POU6F2: variants seen among roughly 807,000 people sequenced by gnomAD.
POU6F2 encodes POU domain, class 6, transcription factor 2.
Under a neutral mutation model 71.3 loss-of-function variants are expected in POU6F2, and 31 were observed. The observed-to-expected ratio is 0.43, with a 90% confidence interval of 0.33 to 0.59. The LOEUF is 0.59. Among genes scored for constraint, POU6F2 ranks in the 20% least tolerant of loss-of-function variants. The pLI is 0.04. For missense variants in POU6F2, 783 were observed against 856.8 expected (o/e 0.91, Z 1.07); for synonymous variants, 347 against 355.7 (o/e 0.98, Z 0.27).
chr7:39,291,478 C>A (rs1784755022), intron 4 of POU6F2, among the ~76,000 whole-genome samples: 1 of 152,228 alleles, frequency 6.6e-6, no homozygotes, highest in Non-Finnish European at 1.5e-5. Flanking sequence ...TTGCCACCAT[C>A]CAATTACACT....
At chr7:39,049,685 CT>C (rs749286407) in intron 1 of POU6F2, among the ~76,000 whole-genome samples, 6 of 152,082 alleles carry the variant, frequency 3.9e-5, no homozygotes, top group South Asian at 2.1e-4. Context: ...CAGTGTGCCC[CT>C]GAAGTAGAAT....
At chr7:39,447,702 C>T (rs1788557404) in intron 7 of POU6F2, among the ~76,000 whole-genome samples, 1 of 152,172 alleles carries the variant, frequency 6.6e-6, no homozygotes, top group Non-Finnish European at 1.5e-5. Flanking sequence ...CTAAGTTTCC[C>T]TTTCCCTCCA....
intron 1 of POU6F2, among the ~76,000 whole-genome samples, chr7:38,995,330 G>T (rs1487191496): frequency 6.6e-6 from 1 of 152,102 alleles, no homozygotes; most frequent in Non-Finnish European, 1.5e-5. Context: ...CCTTCTCACT[G>T]GCCCACTCTC....
At position 39,086,040 on chromosome 7, in the gene POU6F2, G is replaced by T. The variant is rs781236586; in HGVS notation, c.277+9G>T. On this transcript the variant is annotated intron_variant, in intron 2 of 9. Transcript: ENST00000518318. ...TCCCAGCAAGCTCTTCGGTAAGTCT[G>T]TCTAGGTATTTCATTTCAGTACTAC... The T allele has an allele frequency of 1.2e-6, 2 of 1,612,736 alleles. No individual in the cohort carries two copies. The highest frequency in any genetic ancestry group is 2.7e-5 in the African/African-American group (2 of 75,000).
Position 39,372,025 on chromosome 7 carries a change from C to CATG in POU6F2, c.972+32010_972+32011insATG. On this transcript the variant is annotated intron_variant, in intron 5 of 9. Coordinates refer to ENST00000518318, the MANE Select transcript of POU6F2 (RefSeq NM_001370959.1). The stretch of plus-strand genomic sequence containing the variant: ...CCAAATTCTGGGCTCAAGCAATCCT[C>CATG]CTGCTTCAGCCTCCCTCCCAAGTAG... Among the ~76,000 whole-genome samples, 4 of 152,304 alleles carry CATG rather than the reference C, an allele frequency of 2.6e-5. No homozygotes were observed. In the South Asian group the frequency reaches 8.3e-4, roughly 32 times the overall value.
At chr7:39,091,136 A>T (rs1791356916) in intron 2 of POU6F2, among the ~76,000 whole-genome samples, 1 of 152,212 alleles carries the variant, frequency 6.6e-6, no homozygotes, top group Non-Finnish European at 1.5e-5. Flanking sequence ...TTTAAATAAC[A>T]TTCATTTGTA....
At position 39,464,613 on chromosome 7, in the gene POU6F2, G is replaced by C. The variant is rs1049036170; in HGVS notation, c.2090G>C (p.Arg697Pro). 1 of 1,609,836 alleles carries C rather than the reference G, an allele frequency of 6.2e-7. No individual in the cohort carries two copies. Among genetic ancestry groups the C allele is most frequent in the African/African-American group, 1.3e-5 (1 of 74,820 alleles). Residue 697 changes from arginine to proline, a missense_variant, in exon 10 of 10, where the codon CGC becomes CCC. Physicochemically the swap from Arg to Pro is moderately radical, Grantham distance 103. Coordinates refer to ENST00000518318, the MANE Select transcript of POU6F2 (RefSeq NM_001370959.1). This position sits in a 1 kb window ranked among gnomAD's most constrained non-coding sequence, Gnocchi z 4.1. ...KRQALKNTIKRLKQHEPATAV... is the reference protein window; with the variant it reads ...KRQALKNTIKPLKQHEPATAV... ...CAAGCCCTGAAGAACACAATTAAAC[G>C]CTTAAAACAGCACGAGCCGGCCACG...
At chr7:39,458,759 A>G (rs930822278) in intron 8 of POU6F2, among the ~76,000 whole-genome samples, 2 of 151,932 alleles carry the variant, frequency 1.3e-5, no homozygotes, top group Non-Finnish European at 2.9e-5. Flanking sequence ...AGTGTGCTAC[A>G]CTGAAATATT....
intron 4 of POU6F2, among the ~76,000 whole-genome samples, chr7:39,267,161 C>G (rs73128425): frequency 0.072 from 10,957 of 152,054 alleles, 467 homozygotes; most frequent in South Asian, 0.2. Context: ...AAAGAAGAGG[C>G]AAGTTAAAAA....
intron 4 of POU6F2, among the ~76,000 whole-genome samples, chr7:39,284,366 C>T (rs1381536280): frequency 6.6e-6 from 1 of 152,162 alleles, no homozygotes; most frequent in African/African-American, 2.4e-5. Flanking sequence ...GTGGTAGTAG[C>T]TGTTCACAAG....
chr7:39,108,630 TTA>T (rs1051320935), intron 2 of POU6F2, among the ~76,000 whole-genome samples: 2 of 152,190 alleles, frequency 1.3e-5, no homozygotes, highest in African/African-American at 4.8e-5. Flanking sequence ...CCCAGAGAAA[TTA>T]TGAGATACAG....
chr7:39,219,038 G>A (rs1382585317), intron 4 of POU6F2, among the ~76,000 whole-genome samples: 1 of 152,148 alleles, frequency 6.6e-6, no homozygotes, highest in Admixed American at 6.5e-5. Context: ...CACAATGGAG[G>A]CTAAGGAAGC....
At chr7:39,040,101 G>GTA (rs142000087) in intron 1 of POU6F2, among the ~76,000 whole-genome samples, 6,172 of 8,992 alleles carry the variant, frequency 0.69, 2,459 homozygotes, top group East Asian at 0.97. Flanking sequence ...TTATATATAT[G>GTA]TATATATTAT....
At chr7:39,231,918 G>T (rs941818624) in intron 4 of POU6F2, among the ~76,000 whole-genome samples, 11 of 152,162 alleles carry the variant, frequency 7.2e-5, no homozygotes, top group Admixed American at 3.3e-4. Context: ...GCTGGAATTT[G>T]AATCTATGTT....
chr7:39,369,848 A>C (rs1583555792), intron 5 of POU6F2, among the ~76,000 whole-genome samples: 1 of 135,472 alleles, frequency 7.4e-6, no homozygotes, highest in Non-Finnish European at 1.6e-5. Flanking sequence ...CACTCGCAGC[A>C]TTTTTTTTTT....
chr7:39,319,112 C>T (rs183010140), intron 4 of POU6F2, among the ~76,000 whole-genome samples: 252 of 152,250 alleles, frequency 1.7e-3, no homozygotes, highest in African/African-American at 5.9e-3. Context: ...AATCTGGTGA[C>T]AAAGGGAGAC....
chr7:39,081,762 C>A (rs930830437), intron 1 of POU6F2, among the ~76,000 whole-genome samples: 8 of 152,168 alleles, frequency 5.3e-5, no homozygotes, highest in African/African-American at 1.7e-4. Context: ...ACTAGGTTAT[C>A]CAGGCTTTAA....
chr7:39,178,257 C>CA (rs1341753831), intron 2 of POU6F2, among the ~76,000 whole-genome samples: 8 of 151,386 alleles, frequency 5.3e-5, no homozygotes, highest in Non-Finnish European at 7.4e-5. Context: ...CCATCAAAAA[C>CA]AAAAAAAACA....
intron 4 of POU6F2, among the ~76,000 whole-genome samples, chr7:39,331,836 C>T (rs1562793132): frequency 1.3e-5 from 2 of 152,104 alleles, no homozygotes; most frequent in Non-Finnish European, 2.9e-5. Flanking sequence ...AAGGCATTTC[C>T]CTGATAAGTA....
Sources: gnomAD v4.1 joint callset for allele counts (sites outside exome capture counted in the v4.1 genomes callset) on GRCh38, gnomAD v4.1.1 for gene constraint, Gnocchi (gnomAD v3.1) non-coding constraint, MANE v1.5 for transcripts, NCBI Gene and HGNC (gene_info 2026-07-23, HGNC 2026-07-21) for gene names.